CEP57L1: variants seen among roughly 807,000 people sequenced by gnomAD.
CEP57L1 encodes the protein centrosomal protein CEP57L1.
Under a neutral mutation model 61.0 loss-of-function variants are expected in CEP57L1, and 37 were observed. The observed-to-expected ratio is 0.61, with a 90% confidence interval of 0.47 to 0.80. CEP57L1 has a LOEUF of 0.80. CEP57L1 is among the 30% of genes least tolerant of loss of function. CEP57L1 has a pLI of 0.00. For missense variants in CEP57L1, 422 were observed against 524.7 expected (o/e 0.80, Z 1.91); for synonymous variants, 137 against 162.3 (o/e 0.84, Z 1.19).
At chr6:109,138,302 A>T (rs888535533) in intron 1 of CEP57L1, among the ~76,000 whole-genome samples, 1 of 152,112 alleles carries the variant, frequency 6.6e-6, no homozygotes, top group African/African-American at 2.4e-5. Context: ...TTGCTGAGGA[A>T]CTAGGAGAGA....
intron 4 of CEP57L1, 145 bp from the exon 5 acceptor site, chr6:109,153,688 G>A: frequency 1.8e-6 from 1 of 560,720 alleles, no homozygotes; most frequent in Non-Finnish European, 3.2e-6. Context: ...TTGCTTGTAA[G>A]CATCTAAAGT....
chr6:109,146,883 A>G lies in CEP57L1; in HGVS notation c.286A>G (p.Asn96Asp), dbSNP rs1173954487. Residue 96 changes from asparagine to aspartate, a missense_variant, in exon 3 of 11, where the codon AAT becomes GAT. Transcript: ENST00000517392. The stretch of plus-strand genomic sequence containing the variant: ...AGCACAGTATAAGAAGGCCTTAGAG[A>G]ATGAAACAAATGAGAGAAATCTGGC... Reference protein sequence around the residue: ...EAAQYKKALENETNERNLAHQ... With the variant: ...EAAQYKKALEDETNERNLAHQ... The G allele has an allele frequency of 3.1e-6, 5 of 1,609,504 alleles. No individual in the cohort carries two copies. Among genetic ancestry groups the G allele is most frequent in the Non-Finnish European group, 2.5e-6 (3 of 1,178,218 alleles).
At chr6:109,114,724 G>A (rs1772079679) in intron 1 of CEP57L1, among the ~76,000 whole-genome samples, 1 of 152,138 alleles carries the variant, frequency 6.6e-6, no homozygotes, top group East Asian at 1.9e-4. Context: ...GGCGTGGACA[G>A]GGAAAGGGAA....
chr6:109,145,025 G>A (rs1198670823), intron 1 of CEP57L1, among the ~76,000 whole-genome samples, 194 bp from the exon 2 acceptor site: 2 of 151,980 alleles, frequency 1.3e-5, no homozygotes, highest in African/African-American at 4.8e-5. Flanking sequence ...TGTCAGTACT[G>A]CTTACACAAG....
At chr6:109,154,586 C>T (rs972959098) in intron 5 of CEP57L1, among the ~76,000 whole-genome samples, 4 of 151,980 alleles carry the variant, frequency 2.6e-5, no homozygotes, top group South Asian at 2.1e-4. Flanking sequence ...CTGATATACT[C>T]CAAAATCCAA....
intron 10 of CEP57L1, among the ~76,000 whole-genome samples, chr6:109,161,542 A>T (rs1404154185): frequency 6.6e-6 from 1 of 152,184 alleles, no homozygotes. Context: ...GATGCAGAAT[A>T]TTATTACTTT....
At chr6:109,095,410 G>T (rs998023395), upstream of CEP57L1, 43 of 985,770 alleles carry the variant, frequency 4.4e-5, no homozygotes, top group Non-Finnish European at 5.1e-5. Flanking sequence ...GATTTAAGTC[G>T]GTAGGACGTC....
chr6:109,109,606 A>G (rs767394229), intron 1 of CEP57L1, among the ~76,000 whole-genome samples: 1 of 152,220 alleles, frequency 6.6e-6, no homozygotes. Flanking sequence ...TTTGTTACAT[A>G]GGTATACACA....
At position 109,173,464 on chromosome 6, in the gene CEP57L1, C is replaced by T. The variant is rs114854925; in HGVS notation, c.*10494C>T. Among the ~76,000 whole-genome samples, 1,256 of 147,046 alleles carry T rather than the reference C, an allele frequency of 8.5e-3. 21 individuals carry two copies. The highest frequency in any genetic ancestry group is 0.03 in the African/African-American group (1,200 of 39,762). The stretch of plus-strand genomic sequence containing the variant: ...TTCTTTTCAGGGTCTTGTTCTGTCA[C>T]CCAGGCTGGAGTGGAGTGAATGCAA... On this transcript the variant is annotated 3_prime_UTR_variant, in exon 11 of 11. Transcript: ENST00000517392.
In CEP57L1 at chr6:109,163,003, T is replaced by C. The variant is rs762655646; in HGVS notation, c.*33T>C. 2.2e-6 allele frequency: 3 copies of C among 1,356,322 alleles called. No individual in the cohort carries two copies. The highest frequency in any genetic ancestry group is 3.2e-6 in the Non-Finnish European group (3 of 951,082). 84.0% of individuals were successfully genotyped at this position (1,356,322 alleles called of 1,614,324 possible). A position where few individuals can be genotyped will look rare whatever the true frequency, so the allele number is the denominator to read the frequency against. The stretch of plus-strand genomic sequence containing the variant: ...GCAAAACTGTCACCTTAATGAACTT[T>C]GTCAGTGAGACCTTGAATTGTCTAA... On this transcript the variant is annotated 3_prime_UTR_variant, in exon 11 of 11. Coordinates refer to ENST00000517392, the MANE Select transcript of CEP57L1 (RefSeq NM_001271852.3).
At chr6:109,118,858 G>A (rs1396541278) in intron 1 of CEP57L1, among the ~76,000 whole-genome samples, 2 of 152,150 alleles carry the variant, frequency 1.3e-5, no homozygotes, top group African/African-American at 2.4e-5. Context: ...AGTTTAGCAA[G>A]CCTTTATTAA....
intron 1 of CEP57L1, among the ~76,000 whole-genome samples, chr6:109,137,590 G>A (rs11961151): frequency 5.3e-5 from 8 of 152,146 alleles, no homozygotes; most frequent in Non-Finnish European, 8.8e-5. Flanking sequence ...GTGAGCCACC[G>A]CTCCCAGCCT....
chr6:109,162,033 G>A (rs1773760868), intron 10 of CEP57L1, among the ~76,000 whole-genome samples: 1 of 151,900 alleles, frequency 6.6e-6, no homozygotes. Context: ...AATTCTGTCT[G>A]CCTCCACTAT....
Position 109,137,208 on chromosome 6 carries a change from A to G in CEP57L1, c.-3-8011A>G, listed in dbSNP as rs141529381. 6.7e-3 allele frequency among the ~76,000 whole-genome samples: 1,024 copies of G among 151,950 alleles called. 11 individuals are homozygous for G. The highest frequency in any genetic ancestry group is 0.023 in the African/African-American group (959 of 41,424). ...ATTTAAGATGCGTATTTTCATTTTT[A>G]TTTTGATTTTGTTTTATTTACTAAG... On this transcript the variant is annotated intron_variant, in intron 1 of 10. Transcript: ENST00000517392.
At chr6:109,096,537 C>T (rs1781727544) in intron 1 of CEP57L1, among the ~76,000 whole-genome samples, 1 of 151,970 alleles carries the variant, frequency 6.6e-6, no homozygotes, top group Non-Finnish European at 1.5e-5. Context: ...GCATACTTGG[C>T]GGTGTGGGGT....
chr6:109,101,413 A>T (rs1346278984), intron 1 of CEP57L1, among the ~76,000 whole-genome samples: 1 of 152,174 alleles, frequency 6.6e-6, no homozygotes, highest in African/African-American at 2.4e-5. Flanking sequence ...CATTGTATGG[A>T]TATATCACAG....
chr6:109,145,958 A>G (rs546582360), intron 2 of CEP57L1, among the ~76,000 whole-genome samples: 1 of 152,082 alleles, frequency 6.6e-6, no homozygotes, highest in South Asian at 2.1e-4. Flanking sequence ...ATCTTCTATA[A>G]TAATGGTTGC....
At chr6:109,143,184 C>T (rs1304956328) in intron 1 of CEP57L1, among the ~76,000 whole-genome samples, 1 of 152,046 alleles carries the variant, frequency 6.6e-6, no homozygotes, top group Non-Finnish European at 1.5e-5. Flanking sequence ...TTTTTAGAAC[C>T]CACATATGAG....
At chr6:109,136,485 AG>A (rs1770696305) in intron 1 of CEP57L1, among the ~76,000 whole-genome samples, 2 of 151,946 alleles carry the variant, frequency 1.3e-5, no homozygotes, top group Non-Finnish European at 2.9e-5. Flanking sequence ...TAATGGGTGC[AG>A]CCCACGAACA....
Sources: gnomAD v4.1 joint callset for allele counts (sites outside exome capture counted in the v4.1 genomes callset) on GRCh38, gnomAD v4.1.1 for gene constraint, MANE v1.5 for transcripts, NCBI Gene and HGNC (gene_info 2026-07-23, HGNC 2026-07-21) for gene names.